Variants in NOVA1 observed in about 807,000 individuals in gnomAD.
NOVA1 encodes the protein RNA-binding protein Nova-1.
A neutral mutation model predicts 38.0 loss-of-function variants in NOVA1; 7 were observed. The ratio of observed to expected loss-of-function variants is 0.18; its 90% CI spans 0.10 to 0.35. The LOEUF (loss-of-function observed/expected upper bound fraction) is 0.35, where lower values mean the gene tolerates loss of function less well. Among genes scored for constraint, NOVA1 ranks in the 10% least tolerant of loss-of-function variants. The probability of loss-of-function intolerance (pLI) is 1.00; values close to 1 mark genes in which losing one functional copy is unlikely to be tolerated. For missense variants in NOVA1, 460 were observed against 616.0 expected (o/e 0.75, Z 2.68); for synonymous variants, 270 against 232.5 (o/e 1.16, Z -1.47).
At chr14:26,537,271 AAAAC>A (rs1458049227) in intron 2 of NOVA1, among the ~76,000 whole-genome samples, 1 of 151,984 alleles carries the variant, frequency 6.6e-6, no homozygotes, top group African/African-American at 2.4e-5. Context: ...TAAGTGAAGA[AAAAC>A]AAAAAAATTA....
chr14:26,528,948 ATG>A (rs1159520357), intron 2 of NOVA1, among the ~76,000 whole-genome samples: 13 of 152,134 alleles, frequency 8.5e-5, no homozygotes, highest in Admixed American at 2.6e-4. Context: ...GAAGTGAGAT[ATG>A]TGTGATTGCC....
At chr14:26,473,262 A>G (rs1026789263) in intron 3 of NOVA1, among the ~76,000 whole-genome samples, 1 of 151,884 alleles carries the variant, frequency 6.6e-6, no homozygotes, top group Non-Finnish European at 1.5e-5. Flanking sequence ...TAAGATTTTT[A>G]AAAAAGTTCT....
chr14:26,585,895 A>C (rs1054022139), intron 2 of NOVA1, among the ~76,000 whole-genome samples: 2 of 151,394 alleles, frequency 1.3e-5, no homozygotes, highest in African/African-American at 2.4e-5. Flanking sequence ...TTCATTATTA[A>C]AGTAAACTAG....
chr14:26,570,349 A>C (rs1215603965), intron 2 of NOVA1, among the ~76,000 whole-genome samples: 1 of 151,924 alleles, frequency 6.6e-6, no homozygotes, highest in East Asian at 1.9e-4. Context: ...TCCAACTCAG[A>C]AAATAAATGA....
chr14:26,536,856 T>A (rs898271066), intron 2 of NOVA1, among the ~76,000 whole-genome samples: 1 of 152,068 alleles, frequency 6.6e-6, no homozygotes. Flanking sequence ...ATGGGCCAAG[T>A]TTTTAAAAGC....
chr14:26,548,262 G>T (rs988208127), intron 2 of NOVA1, among the ~76,000 whole-genome samples: 1 of 151,920 alleles, frequency 6.6e-6, no homozygotes, highest in African/African-American at 2.4e-5. Flanking sequence ...GAATTAAAAG[G>T]AAAACACTTA....
rs1251342163 is a variant in NOVA1, at chr14:26,597,653, T to C, written c.-217A>G. On this transcript the variant is annotated 5_prime_UTR_variant, in exon 1 of 5. Coordinates refer to ENST00000539517, the MANE Select transcript of NOVA1 (RefSeq NM_002515.3). The stretch of plus-strand genomic sequence containing the variant: ...GGGCAGGGCTGAGGAGCAGCTGCAG[T>C]GCAGTGTCAGAAAGGAGACAGGGGA... 1 of 1,202,828 alleles carries C rather than the reference T, an allele frequency of 8.3e-7. No homozygotes were observed. The highest frequency in any genetic ancestry group is 1.0e-6 in the Non-Finnish European group (1 of 972,850). 74.5% of individuals were successfully genotyped at this position (1,202,828 alleles called of 1,614,324 possible). A position where few individuals can be genotyped will look rare whatever the true frequency, so the allele number is the denominator to read the frequency against.
chr14:26,500,618 A>T lies in NOVA1; in HGVS notation c.281-20475T>A, dbSNP rs1482743132. On this transcript the variant is annotated intron_variant, in intron 2 of 4. Transcript: ENST00000539517. ...TGAAAAGAAATGGAGATACACAGGCAATACACAGTATGCAGAAGAAAAACA... is the reference window on the plus strand; with the variant it reads ...TGAAAAGAAATGGAGATACACAGGCTATACACAGTATGCAGAAGAAAAACA... Among the ~76,000 whole-genome samples the T allele has an allele frequency of 2.0e-5, 3 of 152,054 alleles. No individual in the cohort carries two copies. The East Asian group carries it at 5.8e-4, about 29-fold the overall frequency.
chr14:26,459,947 TG>T (rs1408209691), intron 4 of NOVA1, among the ~76,000 whole-genome samples: 1 of 152,042 alleles, frequency 6.6e-6, no homozygotes, highest in Non-Finnish European at 1.5e-5. Context: ...AAAAGTCTGA[TG>T]TGCCATATTT....
intron 4 of NOVA1, among the ~76,000 whole-genome samples, chr14:26,455,442 T>C (rs1883086257): frequency 1.3e-5 from 2 of 152,124 alleles, no homozygotes; most frequent in Admixed American, 6.5e-5. Flanking sequence ...TCATCATCTA[T>C]AAAATCAGGC....
At chr14:26,513,734 A>G (rs1402411892) in intron 2 of NOVA1, among the ~76,000 whole-genome samples, 1 of 151,762 alleles carries the variant, frequency 6.6e-6, no homozygotes, top group Non-Finnish European at 1.5e-5. Flanking sequence ...ACTAAAACAA[A>G]TGAAAAGTAT....
intron 4 of NOVA1, among the ~76,000 whole-genome samples, chr14:26,454,178 C>A (rs1255529040): frequency 6.6e-6 from 1 of 151,406 alleles, no homozygotes. Flanking sequence ...AAAAAAAAAA[C>A]AGAAAAGTTT....
intron 2 of NOVA1, among the ~76,000 whole-genome samples, chr14:26,481,633 G>T (rs1306642943): frequency 6.6e-6 from 1 of 152,000 alleles, no homozygotes; most frequent in Non-Finnish European, 1.5e-5. Context: ...CATGTATATG[G>T]CTTTCATTTG....
intron 2 of NOVA1, among the ~76,000 whole-genome samples, chr14:26,497,641 T>A (rs1005786898): frequency 6.6e-6 from 1 of 152,190 alleles, no homozygotes; most frequent in Non-Finnish European, 1.5e-5. Context: ...ATCAGCTCAA[T>A]GCCTCCTTAT....
At chr14:26,454,408 C>G (rs1318117133) in intron 4 of NOVA1, among the ~76,000 whole-genome samples, 1 of 152,078 alleles carries the variant, frequency 6.6e-6, no homozygotes. Context: ...ATTTGTGTTT[C>G]AAATCTAGTA....
chr14:26,472,306 G>A lies in NOVA1; in HGVS notation c.519+14C>T. 3 of 1,523,578 alleles carry A rather than the reference G, an allele frequency of 2.0e-6. 1 individual carries two copies. The Middle Eastern group carries it at 5.1e-4, about 259-fold the overall frequency. The allele number at this position is 1,523,578 out of a possible 1,614,324, so 94.4% of individuals were successfully genotyped here. A position where few individuals can be genotyped will look rare whatever the true frequency, so the allele number is the denominator to read the frequency against. Reference sequence around the variant, plus strand: ...CGTGAAAAGTATGGTGTAGATGACAGGATGATACTGTACCTGATTAGCTCT... The same window carrying A: ...CGTGAAAAGTATGGTGTAGATGACAAGATGATACTGTACCTGATTAGCTCT... On this transcript the variant is annotated intron_variant, in intron 4 of 4. Transcript: ENST00000539517.
At chr14:26,519,253 G>C (rs1387903886) in intron 2 of NOVA1, 2 of 152,030 alleles carry the variant, frequency 1.3e-5, no homozygotes, top group African/African-American at 4.8e-5. Flanking sequence ...ACTCACAAAT[G>C]AAACAATCAC....
intron 2 of NOVA1, among the ~76,000 whole-genome samples, chr14:26,516,382 T>C (rs1888464555): frequency 6.6e-6 from 1 of 152,180 alleles, no homozygotes; most frequent in African/African-American, 2.4e-5. Context: ...ATTTATTGTT[T>C]TTTTTCCCCT....
intron 2 of NOVA1, among the ~76,000 whole-genome samples, chr14:26,513,010 A>G (rs1888209261): frequency 6.7e-6 from 1 of 150,038 alleles, no homozygotes; most frequent in Non-Finnish European, 1.5e-5. Context: ...TTCAACATCT[A>G]GAAATGTATA....
Sources: allele counts gnomAD v4.1 joint callset (sites outside exome capture counted in the v4.1 genomes callset), GRCh38; gene constraint gnomAD v4.1.1; transcripts MANE v1.5; gene names NCBI Gene and HGNC (gene_info 2026-07-23, HGNC 2026-07-21).